The following NKAIN2 variants were observed in gnomAD, a reference collection of about 807,000 sequenced individuals.
The protein encoded by NKAIN2 is sodium/potassium transporting ATPase interacting 2.
A neutral mutation model predicts 32.6 loss-of-function variants in NKAIN2; 14 were observed. The observed-to-expected ratio is 0.43, with a 90% confidence interval of 0.28 to 0.67. The LOEUF is 0.67. Among genes scored for constraint, NKAIN2 ranks in the 30% least tolerant of loss-of-function variants. The pLI, the probability that NKAIN2 is intolerant of heterozygous loss-of-function variation, is 0.17. For missense variants in NKAIN2, 198 were observed against 258.3 expected (o/e 0.77, Z 1.60); for synonymous variants, 80 against 87.2 (o/e 0.92, Z 0.46).
chr6:124,654,752 T>C (rs1784479341), intron 3 of NKAIN2, among the ~76,000 whole-genome samples: 2 of 152,116 alleles, frequency 1.3e-5, no homozygotes, highest in Non-Finnish European at 2.9e-5. Context: ...GAAGTTGCTA[T>C]GTGGAATGAA....
At chr6:124,103,037 G>A (rs111391074) in intron 1 of NKAIN2, among the ~76,000 whole-genome samples, 51 of 152,272 alleles carry the variant, frequency 3.3e-4, no homozygotes, top group African/African-American at 1.2e-3. Context: ...CGATGACTAA[G>A]AGTTCTAATC....
chr6:124,743,954 TTAA>T (rs1476963948), intron 4 of NKAIN2, among the ~76,000 whole-genome samples: 9 of 151,886 alleles, frequency 5.9e-5, no homozygotes, highest in African/African-American at 1.9e-4. Context: ...GACCAAATTA[TTAA>T]TTTCTAATAA....
chr6:124,790,596 G>A (rs1266380722), intron 4 of NKAIN2, among the ~76,000 whole-genome samples: 27 of 151,884 alleles, frequency 1.8e-4, no homozygotes, highest in Admixed American at 1.7e-3. Context: ...TTTGACTAGC[G>A]CTCATAAGTT....
At chr6:124,185,889 T>C (rs893522327) in intron 1 of NKAIN2, among the ~76,000 whole-genome samples, 1 of 152,012 alleles carries the variant, frequency 6.6e-6, no homozygotes, top group Non-Finnish European at 1.5e-5. Context: ...TGGAAATGAC[T>C]AACATTTCCC....
intron 3 of NKAIN2, among the ~76,000 whole-genome samples, chr6:124,368,325 A>G (rs1396240685): frequency 6.6e-6 from 1 of 152,080 alleles, no homozygotes; most frequent in Non-Finnish European, 1.5e-5. Flanking sequence ...TCATAACTTG[A>G]GTTGAATTCT....
At chr6:124,396,378 G>A (rs1247468870) in intron 3 of NKAIN2, among the ~76,000 whole-genome samples, 1 of 149,280 alleles carries the variant, frequency 6.7e-6, no homozygotes, top group Non-Finnish European at 1.5e-5. Flanking sequence ...ACAATAAAAT[G>A]GGTACCAAAA....
intron 3 of NKAIN2, among the ~76,000 whole-genome samples, chr6:124,370,837 G>T (rs145481777): frequency 6.6e-6 from 1 of 152,000 alleles, no homozygotes; most frequent in Non-Finnish European, 1.5e-5. Context: ...ATAGGCACTC[G>T]CAAAGGCTGT....
intron 1 of NKAIN2, among the ~76,000 whole-genome samples, chr6:124,002,870 C>T (rs1415888743): frequency 6.6e-6 from 1 of 152,266 alleles, no homozygotes; most frequent in East Asian, 1.9e-4. Context: ...TTGAACTGCC[C>T]ACACTGTGTT....
chr6:124,486,001 A>C (rs551174250), intron 3 of NKAIN2, among the ~76,000 whole-genome samples: 1 of 151,042 alleles, frequency 6.6e-6, no homozygotes, highest in Admixed American at 6.6e-5. Context: ...TGATTCTGAA[A>C]CCCCTCCATC....
At chr6:124,293,386 CAATT>C (rs1408592124) in intron 2 of NKAIN2, among the ~76,000 whole-genome samples, 1 of 151,318 alleles carries the variant, frequency 6.6e-6, no homozygotes, top group Non-Finnish European at 1.5e-5. Flanking sequence ...ATTAAAAATG[CAATT>C]AATTTATAGC....
At chr6:124,464,308 A>G (rs935502029) in intron 3 of NKAIN2, among the ~76,000 whole-genome samples, 2 of 152,054 alleles carry the variant, frequency 1.3e-5, no homozygotes, top group African/African-American at 4.8e-5. Flanking sequence ...TGATGGTTTC[A>G]GAGTCCTTAA....
chr6:124,345,098 G>T (rs948340294), intron 2 of NKAIN2, among the ~76,000 whole-genome samples: 2 of 151,976 alleles, frequency 1.3e-5, no homozygotes, highest in Non-Finnish European at 1.5e-5. Context: ...AATCATGTGG[G>T]TTTTGTCTTT....
chr6:124,616,836 ACTGATAGTGCTATGCATACATAGCT>A (rs548819869), intron 3 of NKAIN2, among the ~76,000 whole-genome samples: 16 of 152,016 alleles, frequency 1.1e-4, no homozygotes, highest in Non-Finnish European at 2.4e-4. Context: ...CCCGCATAGC[ACTGATAGTGCTATGCATACATAGCT>A]CTGTATCTTG....
At chr6:124,479,252 A>G (rs961341341) in intron 3 of NKAIN2, among the ~76,000 whole-genome samples, 3 of 152,214 alleles carry the variant, frequency 2.0e-5, no homozygotes, top group African/African-American at 7.2e-5. Flanking sequence ...TGAATAAAAT[A>G]TGCCCTTTAA....
At chr6:123,888,328 AC>A (rs1224541040) in intron 1 of NKAIN2, among the ~76,000 whole-genome samples, 1 of 152,008 alleles carries the variant, frequency 6.6e-6, no homozygotes, top group Non-Finnish European at 1.5e-5. Context: ...TTTCAAACAC[AC>A]CCTTCACTTT....
chr6:123,989,399 A>G (rs1161529506), intron 1 of NKAIN2, among the ~76,000 whole-genome samples: 1 of 152,232 alleles, frequency 6.6e-6, no homozygotes, highest in East Asian at 1.9e-4. Context: ...GTTATAATGG[A>G]AAGAGTTTCT....
At chr6:124,231,783 A>G (rs1792475115) in intron 1 of NKAIN2, among the ~76,000 whole-genome samples, 1 of 152,146 alleles carries the variant, frequency 6.6e-6, no homozygotes, top group Non-Finnish European at 1.5e-5. Flanking sequence ...AGTCTCATGT[A>G]TGTCTTTTTC....
At chr6:124,551,422 T>C (rs1294879304) in intron 3 of NKAIN2, among the ~76,000 whole-genome samples, 1 of 152,230 alleles carries the variant, frequency 6.6e-6, no homozygotes, top group Non-Finnish European at 1.5e-5. Context: ...TTTTCTTCCC[T>C]GACTTTTTCA....
intron 1 of NKAIN2, among the ~76,000 whole-genome samples, chr6:124,148,312 A>G (rs1344639604): frequency 1.3e-5 from 2 of 150,788 alleles, no homozygotes; most frequent in East Asian, 3.9e-4. Flanking sequence ...TGGTTTTTTT[A>G]GTATATTTAC....
Sources: allele counts gnomAD v4.1 joint callset (sites outside exome capture counted in the v4.1 genomes callset), GRCh38; gene constraint gnomAD v4.1.1; transcripts MANE v1.5; gene names NCBI Gene and HGNC (gene_info 2026-07-23, HGNC 2026-07-21).